The following MBNL1 variants were observed in gnomAD, a reference collection of about 807,000 sequenced individuals.
MBNL1 encodes muscleblind-like protein 1.
Under a neutral mutation model 42.2 loss-of-function variants are expected in MBNL1, and 8 were observed. The ratio of observed to expected loss-of-function variants is 0.19; its 90% confidence interval spans 0.11 to 0.34. MBNL1 has a LOEUF of 0.34. MBNL1 is among the 10% of genes least tolerant of loss of function. The pLI, the probability that MBNL1 is intolerant of heterozygous loss-of-function variation, is 1.00. For synonymous variants in MBNL1, 169 were observed against 173.9 expected (o/e 0.97, Z 0.22); for missense variants, 309 against 495.3 (o/e 0.62, Z 3.57).
chr3:152,400,033 C>G (rs186478856), intron 2 of MBNL1, among the ~76,000 whole-genome samples: 2 of 152,206 alleles, frequency 1.3e-5, no homozygotes, highest in Middle Eastern at 6.8e-3. Context: ...TTAACATTGT[C>G]GGGACCTTAC....
chr3:152,243,698 T>C (rs970634086), upstream of MBNL1: 9 of 152,218 alleles, frequency 5.9e-5, no homozygotes, highest in Admixed American at 3.9e-4. Flanking sequence ...ATATATCAGC[T>C]GGACAGTTTT....
intron 2 of MBNL1, among the ~76,000 whole-genome samples, chr3:152,260,310 A>G (rs1470059357): frequency 6.6e-6 from 1 of 152,178 alleles, no homozygotes; most frequent in Non-Finnish European, 1.5e-5. Flanking sequence ...TTGCAGAAAC[A>G]TGGGCATTCA....
At chr3:152,261,165 C>T (rs1003698936) in intron 2 of MBNL1, among the ~76,000 whole-genome samples, 14 of 152,132 alleles carry the variant, frequency 9.2e-5, no homozygotes, top group Non-Finnish European at 1.9e-4. Context: ...AAGATACAGA[C>T]GCTTGGATGC....
intron 1 of MBNL1, among the ~76,000 whole-genome samples, chr3:152,273,542 G>T (rs2043135781): frequency 6.6e-6 from 1 of 152,110 alleles, no homozygotes; most frequent in Non-Finnish European, 1.5e-5. Flanking sequence ...TTTGTGTTAG[G>T]AGAATTAAGT....
At chr3:152,269,179 G>A in intron 1 of MBNL1, 87 bp downstream of exon 1, 1 of 399,230 alleles carries the variant, frequency 2.5e-6, no homozygotes. Flanking sequence ...GGAAGTGCGA[G>A]GAGGTGCTCG....
chr3:152,252,498 A>G (rs1037173184), intron 2 of MBNL1, among the ~76,000 whole-genome samples: 3 of 151,956 alleles, frequency 2.0e-5, no homozygotes, highest in African/African-American at 4.8e-5. Context: ...AGACATTTCT[A>G]CTAAACAAAC....
chr3:152,427,731 A>G (rs918377984), intron 3 of MBNL1, among the ~76,000 whole-genome samples: 1 of 151,252 alleles, frequency 6.6e-6, no homozygotes, highest in African/African-American at 2.4e-5. Flanking sequence ...ATTTTTTTAT[A>G]TTAAAAACAT....
intron 2 of MBNL1, chr3:152,244,481 A>T (rs961942190): frequency 6.6e-6 from 1 of 152,310 alleles, no homozygotes; most frequent in Admixed American, 6.5e-5. Context: ...TATTATTTGG[A>T]TTGCTATTTA....
At chr3:152,409,113 A>G (rs531873757) in intron 2 of MBNL1, among the ~76,000 whole-genome samples, 1 of 152,344 alleles carries the variant, frequency 6.6e-6, no homozygotes, top group South Asian at 2.1e-4. Context: ...TGTGATTCTT[A>G]GAGTGAATCA....
upstream of MBNL1, chr3:152,268,841 T>A (rs775693456): frequency 1.0e-4 from 44 of 437,116 alleles, no homozygotes; most frequent in Admixed American, 2.4e-5. Context: ...CTGGGCTTCC[T>A]GGTGGGGCTG....
intron 2 of MBNL1, among the ~76,000 whole-genome samples, chr3:152,367,281 G>A (rs1404409931): frequency 6.8e-6 from 1 of 147,100 alleles, no homozygotes; most frequent in Non-Finnish European, 1.5e-5. Flanking sequence ...TGTGGTGTTT[G>A]TTTTTCTGTT....
At chr3:152,365,037 A>T (rs1370414893) in intron 2 of MBNL1, among the ~76,000 whole-genome samples, 2 of 152,140 alleles carry the variant, frequency 1.3e-5, no homozygotes, top group Non-Finnish European at 2.9e-5. Context: ...ATCTTTTCAG[A>T]TAATTCCAGA....
chr3:152,308,335 T>C (rs1457905488), intron 2 of MBNL1, among the ~76,000 whole-genome samples: 1 of 152,182 alleles, frequency 6.6e-6, no homozygotes, highest in Non-Finnish European at 1.5e-5. Context: ...TAAATTTCAG[T>C]TTAGGGTTCC....
intron 2 of MBNL1, among the ~76,000 whole-genome samples, chr3:152,346,268 GAA>G (rs2094218392): frequency 6.6e-6 from 1 of 152,230 alleles, no homozygotes; most frequent in African/African-American, 2.4e-5. Context: ...GGAAAACTTA[GAA>G]GATGATCCTC....
In MBNL1 at chr3:152,300,167, A is replaced by G. The variant is rs757442403; in HGVS notation, c.-27A>G. 1.7e-5 allele frequency: 25 copies of G among 1,513,816 alleles called. No individual in the cohort carries two copies. The highest frequency in any genetic ancestry group is 2.2e-5 in the Non-Finnish European group (25 of 1,118,186). The allele number at this position is 1,513,816 out of a possible 1,614,324, so 93.8% of individuals were successfully genotyped here. ...GGTTGGGTTTGTTGGTTTCACTGAA[A>G]CATTTAACTACCTGTAAAATCTAAA... On this transcript the variant is annotated 5_prime_UTR_variant, in exon 2 of 10. Transcript: ENST00000324210.
At chr3:152,277,773 T>C (rs1442925015) in intron 1 of MBNL1, among the ~76,000 whole-genome samples, 3 of 152,098 alleles carry the variant, frequency 2.0e-5, no homozygotes, top group Non-Finnish European at 4.4e-5. Flanking sequence ...TTATTTAATA[T>C]ACAGAGAAAA....
chr3:152,422,529 TAGAC>T (rs1268504924), intron 3 of MBNL1, among the ~76,000 whole-genome samples: 1 of 152,094 alleles, frequency 6.6e-6, no homozygotes, highest in Non-Finnish European at 1.5e-5. Flanking sequence ...CTGTCAATAT[TAGAC>T]AGATCAACGA....
At chr3:152,261,340 CCTT>C (rs1404913988) in intron 2 of MBNL1, among the ~76,000 whole-genome samples, 1 of 152,038 alleles carries the variant, frequency 6.6e-6, no homozygotes, top group Admixed American at 6.5e-5. Context: ...TAATGTGTGA[CCTT>C]AGAGTCCTTA....
At chr3:152,357,986 T>TAGAAA (rs972801617) in intron 2 of MBNL1, among the ~76,000 whole-genome samples, 3 of 137,632 alleles carry the variant, frequency 2.2e-5, no homozygotes, top group Admixed American at 7.2e-5. Flanking sequence ...AAAATGAAGT[T>TAGAAA]AGAAGGGTGT....
Sources: gnomAD v4.1 joint callset for allele counts (sites outside exome capture counted in the v4.1 genomes callset) on GRCh38, gnomAD v4.1.1 for gene constraint, MANE v1.5 for transcripts, NCBI Gene and HGNC (gene_info 2026-07-23, HGNC 2026-07-21) for gene names.